The following CLEC12A variants were observed in gnomAD, a reference collection of about 807,000 sequenced individuals.
CLEC12A encodes the protein C-type lectin protein CLL-1.
In CLEC12A, 22 loss-of-function variants were observed where a neutral mutation model predicts 26.5. The observed-to-expected ratio is 0.83, with a 90% CI of 0.59 to 1.19. The LOEUF (loss-of-function observed/expected upper bound fraction) is 1.19. CLEC12A is among the 50% of genes most tolerant of loss of function. CLEC12A has a pLI of 0.00. For missense variants in CLEC12A, 353 were observed against 315.6 expected, an observed-to-expected ratio of 1.12 and a Z score of -0.90; for synonymous variants, 119 against 101.9, an observed-to-expected ratio of 1.17 and a Z score of -1.01.
At chr12:10,002,970 A>G in the CLEC12A span, among the ~76,000 whole-genome samples, 1 of 152,170 alleles carries the variant, frequency 6.6e-6, no homozygotes, top group African/African-American at 2.4e-5. Flanking sequence ...ATATACAGGG[A>G]TGTCCTGTAT....
chr12:9,972,925 A>T (rs1864184410), intron 1 of CLEC12A, among the ~76,000 whole-genome samples: 2 of 152,160 alleles, frequency 1.3e-5, no homozygotes, highest in South Asian at 4.2e-4. Context: ...ATTGCCCTTT[A>T]CTTGTCCTCT....
At chr12:9,997,974 A>G (rs376260779), downstream of CLEC12A, among the ~76,000 whole-genome samples, 1 of 32,212 alleles carries the variant, frequency 3.1e-5, no homozygotes, top group African/African-American at 9.3e-5. Context: ...GTTCTTAGGA[A>G]TGCAAGATAG....
At chr12:9,998,293 A>G, downstream of CLEC12A, 1 of 1,613,930 alleles carries the variant, frequency 6.2e-7, no homozygotes, top group Non-Finnish European at 8.5e-7. Flanking sequence ...CCAAATCCCC[A>G]GAGCCACCAG....
downstream of CLEC12A, chr12:9,996,868 T>A: frequency 1.2e-6 from 2 of 1,614,112 alleles, no homozygotes; most frequent in Non-Finnish European, 1.7e-6. Flanking sequence ...GTTGTCAATC[T>A]TCAGGAGAGT....
At chr12:9,986,243 C>G (rs1288714150), downstream of CLEC12A, 1 of 376,700 alleles carries the variant, frequency 2.7e-6, no homozygotes, top group Non-Finnish European at 5.5e-6. Context: ...GAAAAAGGAA[C>G]CTATTCCATT....
chr12:9,991,959 C>G (rs1432727784), intron 4 of CLEC12A: 1 of 152,094 alleles, frequency 6.6e-6, no homozygotes, highest in African/African-American at 2.4e-5. Context: ...GTCTCTGTGT[C>G]TCCTCAGTCT....
the CLEC12A span, among the ~76,000 whole-genome samples, chr12:10,004,253 C>T: frequency 0.45 from 68,957 of 152,072 alleles, 16,076 homozygotes; most frequent in Middle Eastern, 0.51. Context: ...CAGTGCCTCC[C>T]CGGCCTTTTC....
At chr12:9,995,855 G>C (rs1399639388), downstream of CLEC12A, among the ~76,000 whole-genome samples, 9 of 152,010 alleles carry the variant, frequency 5.9e-5, no homozygotes, top group African/African-American at 2.2e-4. Context: ...TTTCTTGGCT[G>C]TTGCTTTAAC....
the CLEC12A span, among the ~76,000 whole-genome samples, chr12:10,004,055 CTGTT>C: frequency 6.6e-6 from 1 of 152,158 alleles, no homozygotes; most frequent in African/African-American, 2.4e-5. Flanking sequence ...GCATGTCTGT[CTGTT>C]TGACTGTCAT....
chr12:9,957,644 C>A (rs1209609898), intron 1 of CLEC12A, among the ~76,000 whole-genome samples: 2 of 152,102 alleles, frequency 1.3e-5, no homozygotes, highest in Non-Finnish European at 2.9e-5. Flanking sequence ...CAGTCTAGAT[C>A]AGTGAATCTG....
chr12:9,976,576 G>A (rs943400425), intron 1 of CLEC12A, among the ~76,000 whole-genome samples: 1 of 152,204 alleles, frequency 6.6e-6, no homozygotes, highest in Admixed American at 6.5e-5. Context: ...TGGCTCATAG[G>A]TGGAAGGGAC....
At chr12:9,963,571 T>C (rs1863875761) in intron 1 of CLEC12A, among the ~76,000 whole-genome samples, 1 of 151,950 alleles carries the variant, frequency 6.6e-6, no homozygotes, top group South Asian at 2.1e-4. Context: ...AGCAAGGGAA[T>C]TAGTGGAATA....
chr12:9,967,459 G>A (rs937774894), upstream of CLEC12A, among the ~76,000 whole-genome samples: 2 of 152,116 alleles, frequency 1.3e-5, no homozygotes, highest in Non-Finnish European at 2.9e-5. Context: ...AGAAAATAAG[G>A]CATTTAGGTT....
chr12:9,985,158 T>C lies in CLEC12A; in HGVS notation c.*132T>C. On this transcript the variant is annotated 3_prime_UTR_variant, in exon 6 of 6. Transcript: ENST00000304361. Reference sequence around the variant, plus strand: ...GGGATTTTATCATGCAGATGAAACATCCAGGTAGCAAGCTTCAGAGAGAAT... The same window carrying C: ...GGGATTTTATCATGCAGATGAAACACCCAGGTAGCAAGCTTCAGAGAGAAT... 9.7e-7 allele frequency: 1 copy of C among 1,025,854 alleles called. No individual in the cohort carries two copies. Among genetic ancestry groups the C allele is most frequent in the Non-Finnish European group, 1.3e-6 (1 of 769,664 alleles). The allele number at this position is 1,025,854 out of a possible 1,614,324, so 63.5% of individuals were successfully genotyped here. A position where few individuals can be genotyped will look rare whatever the true frequency, so the allele number is the denominator to read the frequency against.
intron 1 of CLEC12A, among the ~76,000 whole-genome samples, chr12:9,974,899 C>T (rs565446289): frequency 3.3e-5 from 5 of 152,264 alleles, no homozygotes; most frequent in Admixed American, 3.3e-4. Flanking sequence ...GTAGGAGGGA[C>T]ATGGTGGGAG....
At position 9,992,454 on chromosome 12, in the gene CLEC12A, C is replaced by G. The variant is rs1040698107; in HGVS notation, n.1005-2564C>G. On this transcript the variant is annotated intron_variant and non_coding_transcript_variant, in intron 4 of 4. Coordinates refer to the CLEC12A transcript ENST00000449959. ...CTTATACAAAGAGAAACAAATATCT[C>G]TCTGTTTTGTGAGCCAGGGTTTCGG... 1.7e-4 allele frequency: 26 copies of G among 152,072 alleles called. 1 individual carries two copies. The highest frequency in any genetic ancestry group is 2.9e-5 in the Non-Finnish European group (2 of 67,978). The allele number at this position is 152,072 out of a possible 1,614,324, so 9.4% of individuals were successfully genotyped here. A position where few individuals can be genotyped will look rare whatever the true frequency, so the allele number is the denominator to read the frequency against.
At chr12:9,966,522 C>T (rs1317241886), upstream of CLEC12A, among the ~76,000 whole-genome samples, 1 of 152,048 alleles carries the variant, frequency 6.6e-6, no homozygotes, top group African/African-American at 2.4e-5. Flanking sequence ...AGATTTCTGG[C>T]ACTTTTAGCA....
downstream of CLEC12A, among the ~76,000 whole-genome samples, chr12:9,999,855 C>T (rs1388217038): frequency 6.6e-6 from 1 of 152,170 alleles, no homozygotes; most frequent in Admixed American, 6.5e-5. Context: ...TTGATGAAAT[C>T]ACTTCATTTC....
chr12:9,980,866 T>C (rs1414313516), intron 4 of CLEC12A, 133 bp downstream of exon 4: 6 of 845,414 alleles, frequency 7.1e-6, no homozygotes, highest in Middle Eastern at 2.3e-4. Context: ...TGTACACTTA[T>C]CTCAAGATAT....
Sources: gnomAD v4.1 joint callset for allele counts (sites outside exome capture counted in the v4.1 genomes callset) on GRCh38, gnomAD v4.1.1 for gene constraint, MANE v1.5 for transcripts, NCBI Gene and HGNC (gene_info 2026-07-23, HGNC 2026-07-21) for gene names.